PLXNB1: variants seen among roughly 807,000 people sequenced by gnomAD.
PLXNB1 encodes the protein plexin B1, also known as plexin-B1.
In PLXNB1, 106 loss-of-function variants were observed where a neutral mutation model predicts 209.4. The ratio of observed to expected loss-of-function variants is 0.51; its 90% confidence interval spans 0.43 to 0.59. The LOEUF (loss-of-function observed/expected upper bound fraction) is 0.59, where lower values mean the gene tolerates loss of function less well. Among genes scored for constraint, PLXNB1 ranks in the 20% least tolerant of loss-of-function variants. The pLI, the probability that PLXNB1 is intolerant of heterozygous loss-of-function variation, is 0.00. For missense variants in PLXNB1, 2,357 were observed against 2,853.2 expected (o/e 0.83, Z 3.96); for synonymous variants, 1,167 against 1,183.2 (o/e 0.99, Z 0.28).
At chr3:48,427,357 C>A (rs2038948165) in intron 1 of PLXNB1, among the ~76,000 whole-genome samples, 1 of 152,122 alleles carries the variant, frequency 6.6e-6, no homozygotes, top group African/African-American at 2.4e-5. Context: ...ACCCCTTGCC[C>A]CTCCACACAT....
chr3:48,415,895 G>T lies in PLXNB1; in HGVS notation c.3617+136C>A. The T allele has an allele frequency of 1.5e-6, 2 of 1,338,452 alleles. No individual in the cohort carries two copies. The highest frequency in any genetic ancestry group is 2.0e-6 in the Non-Finnish European group (2 of 981,492). The allele number at this position is 1,338,452 out of a possible 1,614,324, so 82.9% of individuals were successfully genotyped here. A position where few individuals can be genotyped will look rare whatever the true frequency, so the allele number is the denominator to read the frequency against. On this transcript the variant is annotated intron_variant, in intron 18 of 37. Transcript: ENST00000296440. The surrounding 1 kb of genome is among the most constrained non-coding windows in gnomAD (Gnocchi z 5.0). ...CTGGAGGTGCACTCCCACCACAGCT[G>T]GCTAGGGAGGGTCTGGCCACTCTCT...
rs758616820 is a variant in PLXNB1 at position 48,418,948 on chromosome 3, G to A, written c.2924C>T (p.Thr975Ile). Residue 975 changes from threonine (T) to isoleucine (I), a missense_variant, in exon 13 of 38, where the codon ACC becomes ATC. Physicochemically the swap from Thr to Ile is moderately conservative, Grantham distance 89 (BLOSUM62 -1). Transcript: ENST00000296440. This position sits in a 1 kb window ranked among gnomAD's most constrained non-coding sequence, Gnocchi z 6.6. ...ARVECEPPPD[T>I]QCHVTCQQHQ... The stretch of plus-strand genomic sequence containing the variant: ...CTGCTGGCAGGTGACATGGCACTGG[G>A]TATCTGGAGGTGGCTCACACTCGAC... 1 of 1,614,042 alleles carries A rather than the reference G, an allele frequency of 6.2e-7. No individual in the cohort carries two copies. Among genetic ancestry groups the A allele is most frequent in the South Asian group, 1.1e-5 (1 of 91,086 alleles).
At chr3:48,425,118 G>T (rs1243403370) in intron 2 of PLXNB1, among the ~76,000 whole-genome samples, 163 bp downstream of exon 2, 1 of 152,232 alleles carries the variant, frequency 6.6e-6, no homozygotes, top group East Asian at 1.9e-4. Flanking sequence ...TTCAGGCCAG[G>T]AATCCAGAAG....
chr3:48,419,846 C>T lies in PLXNB1; in HGVS notation c.2440G>A (p.Val814Met), dbSNP rs1468606197. The T allele has an allele frequency of 6.4e-7, 1 of 1,574,618 alleles. No individual in the cohort carries two copies. ...GTGGCAGGGGGCAGGTCCAGGGGCA[C>T]TGTGGGATGAAGAGCCTCGGGGCCA... ...DPGPEALHPTVPLDLPPATVP... is the reference protein window; with the variant it reads ...DPGPEALHPTMPLDLPPATVP... The change falls in exon 11 of 38, where the codon GTG becomes ATG. Residue 814 changes from valine to methionine, a missense_variant. Physicochemically the swap from Val to Met is conservative, Grantham distance 21. Around this residue, in one of 7 missense-constraint regions of PLXNB1, gnomAD observed 410 missense variants for 401.0 expected, o/e 1.02. Transcript: ENST00000296440. This position sits in a 1 kb window ranked among gnomAD's most constrained non-coding sequence, Gnocchi z 5.7.
chr3:48,410,907 G>A lies in PLXNB1; in HGVS notation c.5377C>T (p.Pro1793Ser). Residue 1793 changes from proline to serine, a missense_variant, in exon 29 of 38, where the codon CCT becomes TCT. Physicochemically the swap from Pro to Ser is moderately conservative, Grantham distance 74. Transcript: ENST00000296440. This position sits in a 1 kb window ranked among gnomAD's most constrained non-coding sequence, Gnocchi z 6.4. ...KMLDQLYKGVPLTQRPDPRTL... is the reference protein window; with the variant it reads ...KMLDQLYKGVSLTQRPDPRTL... ...CGAGGGTCTGGCCGCTGGGTGAGAG[G>A]CACTCCTTTATAAAGCTGGTCCAGC... 1 of 1,613,248 alleles carries A rather than the reference G, an allele frequency of 6.2e-7. No homozygotes were observed. Among genetic ancestry groups the A allele is most frequent in the Non-Finnish European group, 8.5e-7 (1 of 1,179,668 alleles).
Position 48,406,689 on chromosome 3 carries a change from T to A in PLXNB1, c.6228+134A>T. The A allele has an allele frequency of 6.9e-7, 1 of 1,439,212 alleles. No homozygotes were observed. Among genetic ancestry groups the A allele is most frequent in the Non-Finnish European group, 9.1e-7 (1 of 1,096,388 alleles). The allele number at this position is 1,439,212 out of a possible 1,614,324, so 89.2% of individuals were successfully genotyped here. On this transcript the variant is annotated intron_variant, in intron 36 of 37. Transcript: ENST00000296440. The surrounding 1 kb of genome is among the most constrained non-coding windows in gnomAD (Gnocchi z 4.4). ...TGGCAGTTGGAACATTCTGCATTTATGTTTCCTGCCCCAACCAGCTCACAG... is the reference window on the plus strand; with the variant it reads ...TGGCAGTTGGAACATTCTGCATTTAAGTTTCCTGCCCCAACCAGCTCACAG...
rs759507137 is a variant in PLXNB1 at position 48,423,773 on chromosome 3, G to C, written c.839C>G (p.Ala280Gly). ...CGCCACCTCCCTGGACGTGGCCACA[G>C]CTGCAGCCTGGATCAGCCCGTAGCG... is the stretch of plus-strand genomic sequence containing the variant. ...GGRYGLIQAA[A>G]VATSREVAHG... Residue 280 changes from alanine to glycine, a missense_variant, in exon 3 of 38, where the codon GCT becomes GGT. Ala to Gly is a moderately conservative substitution (Grantham distance 60). This residue lies in a region of PLXNB1 where 404 missense variants were observed against 443.6 expected (regional missense o/e 0.91). Transcript: ENST00000296440. 2.5e-6 allele frequency: 4 copies of C among 1,613,974 alleles called. No homozygotes were observed. The highest frequency in any genetic ancestry group is 3.4e-6 in the Non-Finnish European group (4 of 1,179,992).
rs183215711 is a variant in PLXNB1, at chr3:48,427,972, T to G, written c.-60+2036A>C. On this transcript the variant is annotated intron_variant, in intron 1 of 37. Transcript: ENST00000296440. The stretch of plus-strand genomic sequence containing the variant: ...ACATGAAACAGTGTGTGCCTGGCAT[T>G]AGTGATGCCAACCAGGGTCACCTTT... Among the ~76,000 whole-genome samples, 14 of 152,310 alleles carry G rather than the reference T, an allele frequency of 9.2e-5. No individual in the cohort carries two copies. In the East Asian group the frequency reaches 2.5e-3, roughly 27 times the overall value.
chr3:48,409,297 C>G lies in PLXNB1; in HGVS notation c.6087+32G>C. ...ACACACAGCACTGTCCACCCTCACC[C>G]ATCCCCCCGTGTCCATCCCAGACTC... is the stretch of plus-strand genomic sequence containing the variant. On this transcript the variant is annotated intron_variant, in intron 34 of 37. Coordinates refer to ENST00000296440, the MANE Select transcript of PLXNB1 (RefSeq NM_001130082.3). The surrounding 1 kb of genome is among the most constrained non-coding windows in gnomAD (Gnocchi z 5.8). The G allele has an allele frequency of 6.6e-7, 1 of 1,520,308 alleles. No homozygotes were observed. Among genetic ancestry groups the G allele is most frequent in the Non-Finnish European group, 8.9e-7 (1 of 1,129,648 alleles). 94.2% of individuals were successfully genotyped at this position (1,520,308 alleles called of 1,614,324 possible). A position where few individuals can be genotyped will look rare whatever the true frequency, so the allele number is the denominator to read the frequency against.
chr3:48,410,247 C>T lies in PLXNB1; in HGVS notation c.5605+49G>A, dbSNP rs141060371. On this transcript the variant is annotated intron_variant, in intron 31 of 37. Transcript: ENST00000296440. The surrounding 1 kb of genome is among the most constrained non-coding windows in gnomAD (Gnocchi z 6.4). ...GCCCAGAGGACCTTCCCCATGACTC[C>T]GGGCTGGGCACAGCAGGGGCAGAGG... 14,289 of 1,520,922 alleles carry T rather than the reference C, an allele frequency of 9.4e-3. 88 individuals carry two copies. The highest frequency in any genetic ancestry group is 0.011 in the Non-Finnish European group (12,402 of 1,114,072). The allele number at this position is 1,520,922 out of a possible 1,614,324, so 94.2% of individuals were successfully genotyped here.
At chr3:48,428,324 C>T (rs1207349588) in intron 1 of PLXNB1, among the ~76,000 whole-genome samples, 1 of 152,190 alleles carries the variant, frequency 6.6e-6, no homozygotes, top group Non-Finnish European at 1.5e-5. Flanking sequence ...CTGCCCATTC[C>T]CAATATCTGA....
Position 48,416,290 on chromosome 3 carries a change from G to A in PLXNB1, c.3480+56C>T. 5 of 1,558,004 alleles carry A rather than the reference G, an allele frequency of 3.2e-6. No homozygotes were observed. Among genetic ancestry groups the A allele is most frequent in the Non-Finnish European group, 3.5e-6 (4 of 1,134,732 alleles). The stretch of plus-strand genomic sequence containing the variant: ...AAGGAATAACCAGATGGGTTGAGAG[G>A]AGCCACCAGAGAGGTTGGCCCGCTG... On this transcript the variant is annotated intron_variant, in intron 17 of 37. Coordinates refer to ENST00000296440, the MANE Select transcript of PLXNB1 (RefSeq NM_001130082.3). This position sits in a 1 kb window ranked among gnomAD's most constrained non-coding sequence, Gnocchi z 4.1.
At chr3:48,423,038 G>A (rs542286387) in intron 3 of PLXNB1, 91 bp from the exon 4 acceptor site, 30 of 1,071,428 alleles carry the variant, frequency 2.8e-5, no homozygotes, top group South Asian at 2.3e-4. Context: ...TCCCCCAGCC[G>A]CTCTGGTAGC....
At position 48,412,429 on chromosome 3, in the gene PLXNB1, C is replaced by G; in HGVS notation, c.5033+13G>C. 1.2e-6 allele frequency: 2 copies of G among 1,612,820 alleles called. No individual in the cohort carries two copies. Among genetic ancestry groups the G allele is most frequent in the South Asian group, 1.1e-5 (1 of 91,070 alleles). On this transcript the variant is annotated intron_variant, in intron 26 of 37. Coordinates refer to ENST00000296440, the MANE Select transcript of PLXNB1 (RefSeq NM_001130082.3). The stretch of plus-strand genomic sequence containing the variant: ...CTGTCCAGGGCCCACCCAGCCCCAA[C>G]AGCCACACAGACCTGCGCAGCATCA...
rs116059057 is a variant in PLXNB1 at position 48,424,690 on chromosome 3, T to C, written c.-6-73A>G. The C allele has an allele frequency of 1.1e-3, 1,588 of 1,446,400 alleles. 8 individuals are homozygous for C. In the African/African-American group the frequency reaches 0.018, roughly 17 times the overall value. The allele number at this position is 1,446,400 out of a possible 1,614,324, so 89.6% of individuals were successfully genotyped here. ...GCACCCTGGGGCCACTGGTAAGGGA[T>C]AGGACTGTGGCATTGCCAAGATGCT... On this transcript the variant is annotated intron_variant, in intron 2 of 37. Coordinates refer to ENST00000296440, the MANE Select transcript of PLXNB1 (RefSeq NM_001130082.3).
At chr3:48,425,187 G>A (rs1481596406) in intron 2 of PLXNB1, 94 bp downstream of exon 2, 2 of 153,828 alleles carry the variant, frequency 1.3e-5, no homozygotes, top group African/African-American at 2.4e-5. Context: ...GCTCGGAGGG[G>A]TGGGGCCTGA....
At position 48,409,750 on chromosome 3, in the gene PLXNB1, A is replaced by T. The variant is rs377505231; in HGVS notation, c.5779-19T>A. On this transcript the variant is annotated intron_variant, in intron 32 of 37. Transcript: ENST00000296440. This position sits in a 1 kb window ranked among gnomAD's most constrained non-coding sequence, Gnocchi z 5.8. ...GGGTGCCCTGTGGGAAGGAAGAAGC[A>T]GAGAGGTGTGGTCAGCAAAGGGCCC... 1 of 1,611,250 alleles carries T rather than the reference A, an allele frequency of 6.2e-7. No homozygotes were observed. Among genetic ancestry groups the T allele is most frequent in the Non-Finnish European group, 8.5e-7 (1 of 1,178,786 alleles).
In PLXNB1 at chr3:48,413,722, C is replaced by T; in HGVS notation, c.4483G>A (p.Val1495Met). The change falls in exon 23 of 38, where the codon GTG becomes ATG. Residue 1495 changes from valine to methionine, a missense_variant. Val to Met is a conservative substitution (Grantham distance 21). Around this residue, in one of 7 missense-constraint regions of PLXNB1, gnomAD observed 743 missense variants for 896.2 expected, o/e 0.83. Coordinates refer to ENST00000296440, the MANE Select transcript of PLXNB1 (RefSeq NM_001130082.3). This position sits in a 1 kb window ranked among gnomAD's most constrained non-coding sequence, Gnocchi z 5.4. ...FPVAAQVGLG[V>M]GTSLLALGVI... ...CCCAGAGCCAGAAGAGAGGTGCCCA[C>T]CCCCAAGCCCACCTGGGCTGCCACA... 6.2e-7 allele frequency: 1 copy of T among 1,613,692 alleles called. No homozygotes were observed. Among genetic ancestry groups the T allele is most frequent in the South Asian group, 1.1e-5 (1 of 91,076 alleles).
chr3:48,417,385 G>A lies in PLXNB1; in HGVS notation c.3374+526C>T, dbSNP rs543526662. ...GTGTGTACCTTTGGGGCCTGCAACC[G>A]CTGGCCAGGTTACCATAACCCAGGA... is the stretch of plus-strand genomic sequence containing the variant. On this transcript the variant is annotated intron_variant, in intron 16 of 37. Coordinates refer to ENST00000296440, the MANE Select transcript of PLXNB1 (RefSeq NM_001130082.3). The surrounding 1 kb of genome is among the most constrained non-coding windows in gnomAD (Gnocchi z 4.4). Among the ~76,000 whole-genome samples, 15 of 152,334 alleles carry A rather than the reference G, an allele frequency of 9.8e-5. No homozygotes were observed. In the East Asian group the frequency reaches 2.7e-3, roughly 27 times the overall value.
Sources: allele counts gnomAD v4.1 joint callset (sites outside exome capture counted in the v4.1 genomes callset), GRCh38; gene constraint gnomAD v4.1.1; regional missense constraint gnomAD v4.1.1; non-coding constraint Gnocchi (gnomAD v3.1); transcripts MANE v1.5; gene names NCBI Gene and HGNC (gene_info 2026-07-23, HGNC 2026-07-21).